The following ABTB3 variants were observed in gnomAD, a reference collection of about 807,000 sequenced individuals.
The protein encoded by ABTB3 is ankyrin repeat and BTB domain containing 3.
At chr12:107,551,755 C>CTTT in the ABTB3 span, among the ~76,000 whole-genome samples, 195 of 146,166 alleles carry the variant, frequency 1.3e-3, 1 homozygote, top group African/African-American at 4.6e-3. Context: ...TTATAATCTT[C>CTTT]TTTTTTTTTT....
At chr12:107,553,468 T>C in the ABTB3 span, among the ~76,000 whole-genome samples, 1 of 152,022 alleles carries the variant, frequency 6.6e-6, no homozygotes, top group Non-Finnish European at 1.5e-5. Context: ...GCTGGGTGAC[T>C]ATAGGGAAGG....
the ABTB3 span, among the ~76,000 whole-genome samples, chr12:107,441,774 CAAAAA>C: frequency 1.2e-5 from 1 of 80,052 alleles, no homozygotes; most frequent in Admixed American, 1.4e-4. Flanking sequence ...CTTGTCTCTA[CAAAAA>C]AAAAAAAAAA....
At chr12:107,358,698 G>A in the ABTB3 span, among the ~76,000 whole-genome samples, 1 of 152,112 alleles carries the variant, frequency 6.6e-6, no homozygotes, top group African/African-American at 2.4e-5. Flanking sequence ...AGGTTCAAGT[G>A]AGTCTCCTGC....
At chr12:107,453,351 G>T in the ABTB3 span, among the ~76,000 whole-genome samples, 1 of 152,176 alleles carries the variant, frequency 6.6e-6, no homozygotes, top group Non-Finnish European at 1.5e-5. Context: ...CAAGGTGATG[G>T]TATTAAAAGG....
the ABTB3 span, among the ~76,000 whole-genome samples, chr12:107,597,426 C>T: frequency 2.6e-5 from 4 of 152,166 alleles, no homozygotes; most frequent in Admixed American, 1.3e-4. Flanking sequence ...CATCCCACGG[C>T]GGAAGGGCAA....
the ABTB3 span, among the ~76,000 whole-genome samples, chr12:107,469,682 G>C: frequency 6.6e-6 from 1 of 152,108 alleles, no homozygotes; most frequent in Non-Finnish European, 1.5e-5. Flanking sequence ...GTGAAGATTT[G>C]ACTGGTTAAT....
the ABTB3 span, among the ~76,000 whole-genome samples, chr12:107,641,223 G>A: frequency 6.6e-6 from 1 of 152,098 alleles, no homozygotes; most frequent in African/African-American, 2.4e-5. Flanking sequence ...TGTCTGCTTT[G>A]CCACTGCAAG....
chr12:107,336,040 C>G, the ABTB3 span, among the ~76,000 whole-genome samples: 1 of 152,196 alleles, frequency 6.6e-6, no homozygotes, highest in Non-Finnish European at 1.5e-5. Flanking sequence ...TGTTCGTGTT[C>G]CTCCTTCACT....
chr12:107,348,907 G>A, the ABTB3 span, among the ~76,000 whole-genome samples: 2 of 152,156 alleles, frequency 1.3e-5, no homozygotes, highest in African/African-American at 2.4e-5. Context: ...GCAGCAGTGA[G>A]GGGGGGACCC....
the ABTB3 span, among the ~76,000 whole-genome samples, chr12:107,355,535 C>T: frequency 6.6e-6 from 1 of 152,202 alleles, no homozygotes; most frequent in Non-Finnish European, 1.5e-5. Flanking sequence ...GGGCTTTGAG[C>T]ACTGCCACCC....
the ABTB3 span, among the ~76,000 whole-genome samples, chr12:107,547,737 T>A: frequency 1.4e-4 from 22 of 152,336 alleles, no homozygotes; most frequent in Middle Eastern, 3.4e-3. Context: ...CCAGCTCGGC[T>A]TCTTGTAGCT....
chr12:107,362,515 A>T, the ABTB3 span, among the ~76,000 whole-genome samples: 1 of 152,370 alleles, frequency 6.6e-6, no homozygotes, highest in South Asian at 2.1e-4. Flanking sequence ...ATGGTAGACC[A>T]GGTGTAGTGG....
chr12:107,480,225 G>C, the ABTB3 span, among the ~76,000 whole-genome samples: 1 of 152,138 alleles, frequency 6.6e-6, no homozygotes, highest in Non-Finnish European at 1.5e-5. Flanking sequence ...CTAAAGTATA[G>C]GTAGGTATGT....
At chr12:107,565,175 A>C in the ABTB3 span, among the ~76,000 whole-genome samples, 1 of 152,238 alleles carries the variant, frequency 6.6e-6, no homozygotes, top group Non-Finnish European at 1.5e-5. Context: ...AAGCCTGTGC[A>C]CTGAGCACGT....
At chr12:107,328,089 T>C in the ABTB3 span, among the ~76,000 whole-genome samples, 2 of 152,176 alleles carry the variant, frequency 1.3e-5, no homozygotes, top group Non-Finnish European at 2.9e-5. Flanking sequence ...TGGTCTCTGG[T>C]AGGGCAGCCA....
chr12:107,565,895 C>T, the ABTB3 span, among the ~76,000 whole-genome samples: 1 of 152,228 alleles, frequency 6.6e-6, no homozygotes, highest in Admixed American at 6.5e-5. Context: ...AAGTCCTGAC[C>T]TGTTCAAAGA....
At chr12:107,495,400 G>A in the ABTB3 span, among the ~76,000 whole-genome samples, 2 of 152,208 alleles carry the variant, frequency 1.3e-5, no homozygotes, top group Non-Finnish European at 2.9e-5. Context: ...GCCCCAGCGG[G>A]GATGGCCCGG....
the ABTB3 span, among the ~76,000 whole-genome samples, chr12:107,497,297 T>C: frequency 6.6e-6 from 1 of 150,554 alleles, no homozygotes; most frequent in East Asian, 2.0e-4. Flanking sequence ...ACCACCACCA[T>C]CACTATCACC....
chr12:107,386,869 G>A, the ABTB3 span, among the ~76,000 whole-genome samples: 1 of 151,572 alleles, frequency 6.6e-6, no homozygotes, highest in African/African-American at 2.4e-5. Context: ...GTGGGAGGCC[G>A]AGAAGTCGAA....
Sources: gnomAD v4.1 joint callset for allele counts (sites outside exome capture counted in the v4.1 genomes callset) on GRCh38, gnomAD v4.1.1 for gene constraint, MANE v1.5 for transcripts, NCBI Gene and HGNC (gene_info 2026-07-23, HGNC 2026-07-21) for gene names.